Variants in LAMA1 observed in about 807,000 individuals in gnomAD.
The protein encoded by LAMA1 is laminin subunit alpha 1.
LAMA1 carries 219 observed loss-of-function variants against 348.7 expected under a neutral mutation model. That is an observed-to-expected ratio of 0.63 (90% CI 0.56 to 0.70). The LOEUF (loss-of-function observed/expected upper bound fraction) is 0.70. Ranked by LOEUF, LAMA1 falls within the 30% of genes least tolerant of loss-of-function variation. The pLI is 0.00. For synonymous variants in LAMA1, 1,487 were observed against 1,491.0 expected (o/e 1.00, Z 0.06); for missense variants, 3,744 against 3,888.0 (o/e 0.96, Z 0.99).
intron 3 of LAMA1, among the ~76,000 whole-genome samples, chr18:7,055,248 C>T (rs1391722788): frequency 2.0e-5 from 3 of 151,596 alleles, no homozygotes; most frequent in African/African-American, 4.8e-5. Context: ...GTCAGGAGTT[C>T]GAGACCAGCC....
chr18:6,957,069 TG>T (rs2057582617), intron 55 of LAMA1: 1 of 386,348 alleles, frequency 2.6e-6, no homozygotes, highest in South Asian at 2.2e-5. Context: ...CAGCCTTGAC[TG>T]GGCTGCCTCA....
rs376486215 is a variant in LAMA1 at position 7,058,862 on chromosome 18, A to G, written c.346-7926T>C. On this transcript the variant is annotated intron_variant, in intron 3 of 62. Transcript: ENST00000389658. ...ATTGGTCTTATATGTAATGTAGAAA[A>G]ACTGAAGGACTGTCTGTTAGTATGT... Among the ~76,000 whole-genome samples the G allele has an allele frequency of 1.2e-4, 18 of 152,286 alleles. 1 individual carries two copies. The South Asian group carries it at 3.7e-3, about 32-fold the overall frequency.
chr18:6,962,047 G>A lies in LAMA1; in HGVS notation c.7350C>T (p.Thr2450=). ...PRSRVVRRGV[T]TKSFVGCIKN... is the part of the protein sequence containing the mutation. Reference sequence around the variant, plus strand: ...TGATGCAGCCCACAAAGCTTTTGGTGGTGACACCTCTCCTGTAGGGAAGGG... The same window carrying A: ...TGATGCAGCCCACAAAGCTTTTGGTAGTGACACCTCTCCTGTAGGGAAGGG... The change falls in exon 52 of 63, where the codon ACC becomes ACT. Residue 2450 remains threonine, a synonymous_variant. Coordinates refer to ENST00000389658, the MANE Select transcript of LAMA1 (RefSeq NM_005559.4). 6.2e-7 allele frequency: 1 copy of A among 1,613,038 alleles called. No individual in the cohort carries two copies. The highest frequency in any genetic ancestry group is 8.5e-7 in the Non-Finnish European group (1 of 1,179,028).
intron 41 of LAMA1, among the ~76,000 whole-genome samples, chr18:6,981,478 A>G (rs1466356963): frequency 6.6e-6 from 1 of 152,180 alleles, no homozygotes; most frequent in Admixed American, 6.5e-5. Flanking sequence ...TTTACTTTTA[A>G]AATTTCTGTT....
At chr18:7,067,246 T>C (rs888974170) in intron 3 of LAMA1, among the ~76,000 whole-genome samples, 1 of 137,618 alleles carries the variant, frequency 7.3e-6, no homozygotes, top group East Asian at 1.9e-4. Flanking sequence ...ATTTTTACAA[T>C]AGACAAAAAC....
chr18:7,071,594 T>C (rs1328540223), intron 3 of LAMA1, among the ~76,000 whole-genome samples: 1 of 152,258 alleles, frequency 6.6e-6, no homozygotes, highest in African/African-American at 2.4e-5. Context: ...AAATGATGCG[T>C]AAGCCATATA....
At position 6,947,213 on chromosome 18, in the gene LAMA1, T is replaced by A; in HGVS notation, c.8794A>T (p.Ile2932Phe). 6.2e-7 allele frequency: 1 copy of A among 1,614,208 alleles called. No homozygotes were observed. The highest frequency in any genetic ancestry group is 8.5e-7 in the Non-Finnish European group (1 of 1,180,048). Residue 2932 changes from isoleucine to phenylalanine, a missense_variant, in exon 61 of 63, where the codon ATC becomes TTC. Physicochemically the swap from Ile to Phe is conservative, Grantham distance 21. Coordinates refer to ENST00000389658, the MANE Select transcript of LAMA1 (RefSeq NM_005559.4). The part of the protein sequence containing the change: ...TSSQNGVLLG[I>F]STAKVDAIGL... ...ATGGCATCCACTTTGGCAGTGCTGA[T>A]CCCCAGGAGGACGCCATTCTGCGAG...
intron 51 of LAMA1, 117 bp downstream of exon 51, chr18:6,964,545 G>A (rs2057623608): frequency 1.1e-5 from 14 of 1,271,766 alleles, no homozygotes; most frequent in Non-Finnish European, 1.5e-5. Context: ...TCTAGAACTG[G>A]GAAAGAATAA....
rs375735640 is a variant in LAMA1, at chr18:6,956,627, C to T, written c.8094+9G>A. ...GGACCTGACTGATAGTAAAGGAAGC[C>T]GCTCCTACTGGAAAAGCCCGGGGCT... is the stretch of plus-strand genomic sequence containing the variant. On this transcript the variant is annotated intron_variant, in intron 56 of 62. Coordinates refer to ENST00000389658, the MANE Select transcript of LAMA1 (RefSeq NM_005559.4). 3.5e-5 allele frequency: 56 copies of T among 1,613,888 alleles called. No individual in the cohort carries two copies. The highest frequency in any genetic ancestry group is 1.3e-4 in the South Asian group (12 of 91,090).
intron 3 of LAMA1, among the ~76,000 whole-genome samples, chr18:7,061,244 T>C (rs1231789221): frequency 6.6e-6 from 1 of 152,222 alleles, no homozygotes; most frequent in Non-Finnish European, 1.5e-5. Flanking sequence ...AGTCTCGATG[T>C]ATTTCTCCCT....
chr18:7,083,797 G>A (rs1340885657), intron 1 of LAMA1, among the ~76,000 whole-genome samples: 8 of 152,062 alleles, frequency 5.3e-5, no homozygotes, highest in Non-Finnish European at 1.0e-4. Context: ...GGGGCCGGGC[G>A]CAATGGCTCA....
intron 1 of LAMA1, among the ~76,000 whole-genome samples, chr18:7,100,697 C>T (rs901123417): frequency 6.6e-6 from 1 of 151,972 alleles, no homozygotes; most frequent in African/African-American, 2.4e-5. Flanking sequence ...AAACACTAAC[C>T]GAGAGAAGTA....
At position 7,011,870 on chromosome 18, in the gene LAMA1, T is replaced by C. The variant is rs1184983779; in HGVS notation, c.3507+125A>G. On this transcript the variant is annotated intron_variant, in intron 24 of 62. Coordinates refer to ENST00000389658, the MANE Select transcript of LAMA1 (RefSeq NM_005559.4). ...GATTCCTGTTCTAACCCAAATTAGCTTCCTAGAATTTTGGATGCCATAAGA... is the reference window on the plus strand; with the variant it reads ...GATTCCTGTTCTAACCCAAATTAGCCTCCTAGAATTTTGGATGCCATAAGA... 3.4e-6 allele frequency: 4 copies of C among 1,165,038 alleles called. No homozygotes were observed. The East Asian group carries it at 7.7e-5, about 22-fold the overall frequency. The allele number at this position is 1,165,038 out of a possible 1,614,324, so 72.2% of individuals were successfully genotyped here.
rs1240325801 is a variant in LAMA1, at chr18:7,043,235, G to T, written c.1147C>A (p.Pro383Thr). The change falls in exon 8 of 63, where the codon CCA (proline) becomes ACA (threonine). Residue 383 changes from proline (P) to threonine (T), a missense_variant. This residue lies in a region of LAMA1 where 1,529 missense variants were observed against 1,689.4 expected (regional missense o/e 0.91). Transcript: ENST00000389658. ...CETCIDGYYR[P>T]HKVSPYEDEP... ...CAAAGAAATACTCTTACTTTGTGTG[G>T]TCTATAATATCCATCAATACAGGTT... 6.2e-7 allele frequency: 1 copy of T among 1,614,078 alleles called. No individual in the cohort carries two copies. Among genetic ancestry groups the T allele is most frequent in the East Asian group, 2.2e-5 (1 of 44,852 alleles).
chr18:7,045,092 AT>A (rs2058036703), intron 6 of LAMA1, among the ~76,000 whole-genome samples: 1 of 152,214 alleles, frequency 6.6e-6, no homozygotes, highest in African/African-American at 2.4e-5. Flanking sequence ...TTTTTTAAAA[AT>A]ATACATGGAA....
intron 1 of LAMA1, among the ~76,000 whole-genome samples, chr18:7,106,796 T>C (rs1413224813): frequency 6.6e-6 from 1 of 152,084 alleles, no homozygotes; most frequent in Non-Finnish European, 1.5e-5. Context: ...GTGTCACTGT[T>C]TGAGTCTGCT....
chr18:6,964,527 T>C, intron 51 of LAMA1, 135 bp downstream of exon 51: 1 of 1,083,006 alleles, frequency 9.2e-7, no homozygotes, highest in South Asian at 1.3e-5. Context: ...GCTTTTGGAC[T>C]TGCAGCCTCT....
chr18:7,080,478 A>C (rs754409060), intron 1 of LAMA1, 21 bp from the exon 2 acceptor site: 30 of 1,612,968 alleles, frequency 1.9e-5, no homozygotes, highest in African/African-American at 2.7e-5. Context: ...AAATTTACCA[A>C]ATCAGCTGAG....
chr18:7,077,095 T>C (rs980468671), intron 3 of LAMA1, among the ~76,000 whole-genome samples: 3 of 152,110 alleles, frequency 2.0e-5, no homozygotes, highest in African/African-American at 7.2e-5. Flanking sequence ...AATTTCTGAA[T>C]ACTAATTATT....
Sources: gnomAD v4.1 joint callset for allele counts (sites outside exome capture counted in the v4.1 genomes callset) on GRCh38, gnomAD v4.1.1 for gene constraint, gnomAD v4.1.1 regional missense constraint, MANE v1.5 for transcripts, NCBI Gene and HGNC (gene_info 2026-07-23, HGNC 2026-07-21) for gene names.